The following SLC18A1 variants were observed in gnomAD, a reference collection of about 807,000 sequenced individuals.
SLC18A1 encodes the protein solute carrier family 18 member A1, also known as chromaffin granule amine transporter.
SLC18A1 carries 69 observed loss-of-function variants against 53.7 expected under a neutral mutation model. That is an observed-to-expected ratio of 1.28 (90% CI 1.06 to 1.57). The LOEUF is 1.57. Among genes scored for constraint, SLC18A1 ranks in the 40% most tolerant of loss-of-function variants. SLC18A1 has a pLI of 0.00. For missense variants in SLC18A1, 932 were observed against 668.1 expected, an observed-to-expected ratio of 1.40 and a Z score of -4.35; for synonymous variants, 320 against 248.1, an observed-to-expected ratio of 1.29 and a Z score of -2.72.
chr8:20,153,927 A>T (rs566732722), intron 10 of SLC18A1, among the ~76,000 whole-genome samples: 1 of 152,280 alleles, frequency 6.6e-6, no homozygotes, highest in South Asian at 2.1e-4. Context: ...CCAGTGGTAA[A>T]GGTGGGGCTG....
chr8:20,169,475 C>T (rs2072055560), intron 8 of SLC18A1, among the ~76,000 whole-genome samples: 1 of 152,050 alleles, frequency 6.6e-6, no homozygotes. Context: ...AAATCCTGTT[C>T]TTAGGGAAAA....
chr8:20,179,734 T>A (rs1033250343), intron 2 of SLC18A1, among the ~76,000 whole-genome samples: 2 of 152,238 alleles, frequency 1.3e-5, no homozygotes, highest in South Asian at 4.1e-4. Context: ...GCCCAAGTTA[T>A]CCTATTAGCT....
chr8:20,164,711 G>A (rs2071910381), intron 10 of SLC18A1, among the ~76,000 whole-genome samples, 158 bp downstream of exon 10: 1 of 152,088 alleles, frequency 6.6e-6, no homozygotes, highest in Non-Finnish European at 1.5e-5. Flanking sequence ...CTGCTTCTCT[G>A]AGGGACCACA....
chr8:20,146,761 T>A (rs2071410910), intron 15 of SLC18A1, among the ~76,000 whole-genome samples: 1 of 146,306 alleles, frequency 6.8e-6, no homozygotes, highest in African/African-American at 2.5e-5. Context: ...GAGGCAGAGG[T>A]TGTGGTGAGC....
intron 4 of SLC18A1, among the ~76,000 whole-genome samples, chr8:20,176,305 C>T (rs962693787): frequency 2.0e-5 from 3 of 152,180 alleles, no homozygotes; most frequent in South Asian, 2.1e-4. Context: ...AGCCAGCTCC[C>T]CTTCACCTTC....
At chr8:20,166,975 C>A (rs1477836185) in intron 8 of SLC18A1, among the ~76,000 whole-genome samples, 1 of 152,124 alleles carries the variant, frequency 6.6e-6, no homozygotes, top group African/African-American at 2.4e-5. Context: ...CAGAAACCAA[C>A]CCTCAACAGT....
intron 10 of SLC18A1, among the ~76,000 whole-genome samples, chr8:20,151,947 T>G (rs1490508706): frequency 6.6e-6 from 1 of 152,208 alleles, no homozygotes; most frequent in African/African-American, 2.4e-5. Context: ...AATGAACAAG[T>G]AAACAAATAC....
Position 20,145,552 on chromosome 8 carries a change from G to T in SLC18A1, c.*211C>A, listed in dbSNP as rs1183901721. 2.5e-6 allele frequency: 1 copy of T among 396,864 alleles called. No individual in the cohort carries two copies. The allele number at this position is 396,864 out of a possible 1,614,324, so 24.6% of individuals were successfully genotyped here. On this transcript the variant is annotated 3_prime_UTR_variant, in exon 16 of 16. Transcript: ENST00000276373. ...ATCACTCTGTCTTCCCATAAAAGAT[G>T]GGCCACTGCGGCACCAAGGCATAGA...
In SLC18A1 at chr8:20,149,633, G is replaced by A. The variant is rs2270652; in HGVS notation, c.1146+43C>T. On this transcript the variant is annotated intron_variant, in intron 12 of 15. Coordinates refer to ENST00000276373, the MANE Select transcript of SLC18A1 (RefSeq NM_003053.4). ...CTCTCTCTCTGTCTGTCTGTCTCTC[G>A]CTCTCTCTCTCCTTCCCCTCCCCCA... 1.7e-4 allele frequency: 198 copies of A among 1,177,772 alleles called. No homozygotes were observed. The East Asian group carries it at 2.6e-3, about 15-fold the overall frequency. The allele number at this position is 1,177,772 out of a possible 1,614,324, so 73.0% of individuals were successfully genotyped here.
intron 3 of SLC18A1, 130 bp downstream of exon 3, chr8:20,178,991 C>A: frequency 8.9e-7 from 1 of 1,129,486 alleles, no homozygotes; most frequent in South Asian, 1.7e-5. Flanking sequence ...ACGAGCTTTC[C>A]GAATAGCTGA....
intron 1 of SLC18A1, among the ~76,000 whole-genome samples, chr8:20,182,578 AG>A (rs2128881833): frequency 6.6e-6 from 1 of 152,340 alleles, no homozygotes; most frequent in African/African-American, 2.4e-5. Context: ...TAATTAAAGA[AG>A]TAAATAATTT....
At chr8:20,175,562 G>C (rs1208489139) in intron 4 of SLC18A1, 1 of 152,290 alleles carries the variant, frequency 6.6e-6, no homozygotes, top group East Asian at 1.9e-4. Flanking sequence ...ATGTTCTTCT[G>C]TCATGGCTTC....
intron 5 of SLC18A1, 138 bp from the exon 6 acceptor site, chr8:20,173,266 C>T (rs911515424): frequency 1.5e-6 from 1 of 659,010 alleles, no homozygotes; most frequent in East Asian, 2.8e-5. Flanking sequence ...CAAAACTTAA[C>T]CCGTAGTATT....
intron 2 of SLC18A1, 58 bp from the exon 3 acceptor site, chr8:20,179,542 A>C: frequency 1.3e-6 from 2 of 1,548,414 alleles, no homozygotes; most frequent in Non-Finnish European, 1.7e-6. Flanking sequence ...CTTACCACTG[A>C]AACTCAAGGG....
At chr8:20,162,333 A>C (rs150070689) in intron 10 of SLC18A1, among the ~76,000 whole-genome samples, 3 of 152,194 alleles carry the variant, frequency 2.0e-5, no homozygotes, top group Non-Finnish European at 4.4e-5. Context: ...TTTTATCCAC[A>C]CTAATCACTT....
In SLC18A1 at chr8:20,150,082, A is replaced by G. The variant is rs933973067; in HGVS notation, c.1095-355T>C. Reference sequence around the variant, plus strand: ...GCTCAGACTGCCTCCTACCTGTCCTATTTTATTTGGTCCTTGAGGTCTGTC... The same window carrying G: ...GCTCAGACTGCCTCCTACCTGTCCTGTTTTATTTGGTCCTTGAGGTCTGTC... On this transcript the variant is annotated intron_variant, in intron 11 of 15. Transcript: ENST00000276373. Among the ~76,000 whole-genome samples, 4 of 152,150 alleles carry G rather than the reference A, an allele frequency of 2.6e-5. 1 individual carries two copies. In the East Asian group the frequency reaches 7.7e-4, roughly 29 times the overall value.
chr8:20,148,355 C>G, intron 12 of SLC18A1: 2 of 867,878 alleles, frequency 2.3e-6, no homozygotes, highest in Non-Finnish European at 3.3e-6. Context: ...CCATTATGCT[C>G]TAACGAGGGT....
intron 10 of SLC18A1, among the ~76,000 whole-genome samples, chr8:20,153,880 A>G (rs2071619834): frequency 6.6e-6 from 1 of 152,184 alleles, no homozygotes; most frequent in South Asian, 2.1e-4. Context: ...ATTGCTTGAT[A>G]TTTGTCCTCT....
At chr8:20,168,635 A>C (rs1046217448) in intron 8 of SLC18A1, among the ~76,000 whole-genome samples, 3 of 151,454 alleles carry the variant, frequency 2.0e-5, no homozygotes, top group Non-Finnish European at 4.4e-5. Context: ...GCTGGAGTGC[A>C]GTGGCTTACT....
Sources: allele counts gnomAD v4.1 joint callset (sites outside exome capture counted in the v4.1 genomes callset), GRCh38; gene constraint gnomAD v4.1.1; transcripts MANE v1.5; gene names NCBI Gene and HGNC (gene_info 2026-07-23, HGNC 2026-07-21).